SP140: variants seen among roughly 807,000 people sequenced by gnomAD.
SP140 encodes the protein nuclear body protein SP140.
SP140 carries 81 observed loss-of-function variants against 125.0 expected under a neutral mutation model. The observed-to-expected ratio is 0.65, with a 90% CI of 0.54 to 0.78. The LOEUF is 0.78. SP140 is among the 30% of genes least tolerant of loss of function. SP140 has a pLI of 0.00. For missense variants in SP140, 858 were observed against 1,037.0 expected (o/e 0.83, Z 2.37); for synonymous variants, 312 against 354.0 (o/e 0.88, Z 1.33).
intron 22 of SP140, among the ~76,000 whole-genome samples, chr2:230,300,692 C>G (rs2058207983): frequency 6.6e-6 from 1 of 152,078 alleles, no homozygotes; most frequent in African/African-American, 2.4e-5. Context: ...CGTAGTCTAC[C>G]CAAGTGAGAA....
intron 10 of SP140, among the ~76,000 whole-genome samples, 170 bp downstream of exon 10, chr2:230,251,231 A>G (rs2050311116): frequency 6.6e-6 from 1 of 152,218 alleles, no homozygotes; most frequent in South Asian, 2.1e-4. Context: ...AAATGCAGGG[A>G]GGAATCTTGA....
chr2:230,259,327 G>A lies in SP140; in HGVS notation c.1240+3795G>A, dbSNP rs187013616. On this transcript the variant is annotated intron_variant, in intron 12 of 26. Transcript: ENST00000392045. ...TGCGTCCTCATAGCTTAGCTCCCAC[G>A]TATCAGTGAGAACATACAGTGTTTG... 1.8e-3 allele frequency among the ~76,000 whole-genome samples: 272 copies of A among 151,940 alleles called. 1 individual carries two copies. The highest frequency in any genetic ancestry group is 9.1e-3 in the East Asian group (47 of 5,166).
intron 22 of SP140, among the ~76,000 whole-genome samples, chr2:230,307,586 C>T (rs978611129): frequency 1.2e-4 from 18 of 152,216 alleles, no homozygotes; most frequent in African/African-American, 4.3e-4. Context: ...CCAGACACAG[C>T]CTTGCAGAGA....
At chr2:230,315,441 T>C (rs2059478196), downstream of SP140, among the ~76,000 whole-genome samples, 1 of 152,128 alleles carries the variant, frequency 6.6e-6, no homozygotes, top group African/African-American at 2.4e-5. Flanking sequence ...ATAGCCCCTG[T>C]TAGAGTATGT....
intron 11 of SP140, among the ~76,000 whole-genome samples, chr2:230,254,301 C>T (rs568573416): frequency 2.6e-5 from 4 of 152,262 alleles, no homozygotes; most frequent in Non-Finnish European, 4.4e-5. Context: ...ATCCAGCAAA[C>T]GGCACCTCTA....
chr2:230,241,066 A>G (rs2048654506), intron 3 of SP140, among the ~76,000 whole-genome samples: 1 of 152,208 alleles, frequency 6.6e-6, no homozygotes, highest in South Asian at 2.1e-4. Context: ...ATACTGCATG[A>G]TCCTATTTAT....
chr2:230,306,210 C>CTCTA (rs2058746895), intron 22 of SP140, among the ~76,000 whole-genome samples: 2 of 152,200 alleles, frequency 1.3e-5, no homozygotes, highest in South Asian at 4.1e-4. Context: ...GGCCCAGAGC[C>CTCTA]TCTATCACAG....
chr2:230,231,343 A>G (rs1326976481), intron 1 of SP140, among the ~76,000 whole-genome samples: 1 of 152,146 alleles, frequency 6.6e-6, no homozygotes, highest in Admixed American at 6.5e-5. Context: ...GTCAGACATG[A>G]TAAGTCAGGT....
chr2:230,247,987 G>A lies in SP140; in HGVS notation c.814G>A (p.Glu272Lys), dbSNP rs765116848. ...AGCACCAGGGGAGAAACAGGGAGAG[G>A]AGGAAGGCAGGAACAGTCCCAGAAA... ...STAPGEKQGEEEGRNSPRKRN... is the reference protein window; with the variant it reads ...STAPGEKQGEKEGRNSPRKRN... Residue 272 changes from glutamate to lysine, a missense_variant, in exon 8 of 27, where the codon GAG becomes AAG. Physicochemically the swap from Glu to Lys is moderately conservative, Grantham distance 56. Transcript: ENST00000392045. 1.9e-6 allele frequency: 3 copies of A among 1,613,940 alleles called. No individual in the cohort carries two copies. Among genetic ancestry groups the A allele is most frequent in the South Asian group, 1.1e-5 (1 of 91,074 alleles).
Position 230,310,719 on chromosome 2 carries a change from G to A in SP140, c.2175-24G>A, listed in dbSNP as rs1004095840. ...GCCATTTCCAAGCTCCCTGCCCTCT[G>A]CTCACCCATGTCCAATCTCTCAGGA... On this transcript the variant is annotated intron_variant, in intron 23 of 26. Transcript: ENST00000392045. 1.0e-5 allele frequency: 15 copies of A among 1,461,420 alleles called. 1 individual carries two copies. In the Middle Eastern group the frequency reaches 9.4e-4, roughly 92 times the overall value. 90.5% of individuals were successfully genotyped at this position (1,461,420 alleles called of 1,614,324 possible).
At chr2:230,189,169 T>C in the SP140 span, among the ~76,000 whole-genome samples, 1 of 152,140 alleles carries the variant, frequency 6.6e-6, no homozygotes, top group South Asian at 2.1e-4. Context: ...TTTGTTTAAT[T>C]GATCTTTTTT....
intron 21 of SP140, among the ~76,000 whole-genome samples, chr2:230,295,462 G>A (rs1172993216): frequency 6.6e-6 from 1 of 152,222 alleles, no homozygotes; most frequent in East Asian, 1.9e-4. Context: ...AAGAGTAACT[G>A]AGTCTGGATG....
At chr2:230,287,190 C>T (rs1460370184) in intron 17 of SP140, among the ~76,000 whole-genome samples, 1 of 152,140 alleles carries the variant, frequency 6.6e-6, no homozygotes, top group African/African-American at 2.4e-5. Context: ...CTACCCATTC[C>T]TCATGGTTAA....
upstream of SP140, among the ~76,000 whole-genome samples, chr2:230,223,476 G>A (rs2045985692): frequency 6.6e-6 from 1 of 152,182 alleles, no homozygotes; most frequent in South Asian, 2.1e-4. Context: ...CATTCTGTGA[G>A]CTACCCAATA....
At chr2:230,296,712 G>A (rs981068287) in intron 21 of SP140, among the ~76,000 whole-genome samples, 2 of 152,196 alleles carry the variant, frequency 1.3e-5, no homozygotes, top group Non-Finnish European at 2.9e-5. Flanking sequence ...CCAGGAGGCT[G>A]TGGGAGATAA....
chr2:230,305,707 G>T (rs911471325), intron 22 of SP140, among the ~76,000 whole-genome samples: 1 of 152,224 alleles, frequency 6.6e-6, no homozygotes, highest in Non-Finnish European at 1.5e-5. Flanking sequence ...CACACTTCAG[G>T]GGCCGGGGTG....
chr2:230,255,377 T>C, intron 11 of SP140, 75 bp from the exon 12 acceptor site: 1 of 1,549,542 alleles, frequency 6.5e-7, no homozygotes, highest in East Asian at 2.2e-5. Flanking sequence ...TTCCACATCT[T>C]CACTAAGTTT....
intron 12 of SP140, among the ~76,000 whole-genome samples, chr2:230,268,819 G>A (rs2053513709): frequency 6.6e-6 from 1 of 152,150 alleles, no homozygotes; most frequent in Non-Finnish European, 1.5e-5. Flanking sequence ...GTGGTTCCAA[G>A]GGTCCCACAG....
rs745848625 is a variant in SP140 at position 230,259,771 on chromosome 2, CAT to C, written c.1240+4263_1240+4264del. On this transcript the variant is annotated intron_variant, in intron 12 of 26. Transcript: ENST00000392045. ...TTTTTATGGCTGCGTAGTATTCCATCATATATATATATATATATATATATACC... is the reference window on the plus strand; with the variant it reads ...TTTTTATGGCTGCGTAGTATTCCATCATATATATATATATATATATATACC... 1.1e-3 allele frequency among the ~76,000 whole-genome samples: 91 copies of C among 85,784 alleles called. 1 individual carries two copies. The highest frequency in any genetic ancestry group is 1.3e-3 in the Admixed American group (12 of 9,374). The allele number at this position is 85,784 out of a possible 152,430, so 56.3% of individuals were successfully genotyped here. A position where few individuals can be genotyped will look rare whatever the true frequency, so the allele number is the denominator to read the frequency against.
Sources: allele counts gnomAD v4.1 joint callset (sites outside exome capture counted in the v4.1 genomes callset), GRCh38; gene constraint gnomAD v4.1.1; transcripts MANE v1.5; gene names NCBI Gene and HGNC (gene_info 2026-07-23, HGNC 2026-07-21).